The following NCALD variants were observed in gnomAD, a reference collection of about 807,000 sequenced individuals.
NCALD encodes the protein neurocalcin delta.
NCALD carries 10 observed loss-of-function variants against 18.6 expected under a neutral mutation model. The observed-to-expected ratio is 0.54, with a 90% CI of 0.33 to 0.91. NCALD has a LOEUF of 0.91. Ranked by LOEUF, NCALD falls within the 40% of genes least tolerant of loss-of-function variation. The probability of loss-of-function intolerance (pLI) is 0.03; values close to 1 mark genes in which losing one functional copy is unlikely to be tolerated. For missense variants in NCALD, 184 were observed against 247.6 expected (o/e 0.74, Z 1.72); for synonymous variants, 88 against 87.4 (o/e 1.01, Z -0.04).
intron 1 of NCALD, among the ~76,000 whole-genome samples, chr8:101,766,228 C>T (rs1329641836): frequency 6.6e-6 from 1 of 152,124 alleles, no homozygotes; most frequent in East Asian, 1.9e-4. Flanking sequence ...GAAGCCTGCC[C>T]ATCAGGAGAA....
At chr8:101,925,257 A>C (rs1818295278) in intron 2 of NCALD, among the ~76,000 whole-genome samples, 1 of 152,172 alleles carries the variant, frequency 6.6e-6, no homozygotes. Flanking sequence ...ACATGCAGAA[A>C]AATACAGACA....
chr8:101,804,623 AATT>A (rs1291638208), intron 4 of NCALD, among the ~76,000 whole-genome samples: 1 of 133,694 alleles, frequency 7.5e-6, no homozygotes, highest in Non-Finnish European at 1.6e-5. Flanking sequence ...TATAATATAT[AATT>A]AATATAATTA....
intron 1 of NCALD, among the ~76,000 whole-genome samples, chr8:101,735,493 C>T (rs1209155609): frequency 1.3e-5 from 2 of 152,122 alleles, no homozygotes; most frequent in South Asian, 2.1e-4. Context: ...GTCTGCAGGG[C>T]TTTTAAGGGC....
chr8:102,118,310 A>T (rs1377836596), intron 1 of NCALD, among the ~76,000 whole-genome samples: 5 of 152,108 alleles, frequency 3.3e-5, no homozygotes, highest in Non-Finnish European at 2.9e-5. Flanking sequence ...CTCTCACCTC[A>T]TGCTGTCAGG....
intron 2 of NCALD, among the ~76,000 whole-genome samples, chr8:101,972,826 GA>G (rs1162704064): frequency 6.6e-6 from 1 of 152,202 alleles, no homozygotes; most frequent in Non-Finnish European, 1.5e-5. Flanking sequence ...CACACTGAAA[GA>G]TTATGATCCC....
chr8:101,747,778 C>T (rs988908417), intron 1 of NCALD, among the ~76,000 whole-genome samples: 4 of 150,506 alleles, frequency 2.7e-5, no homozygotes, highest in African/African-American at 4.9e-5. Flanking sequence ...AGTGCAATGG[C>T]ACGATCTCAG....
intron 2 of NCALD, among the ~76,000 whole-genome samples, chr8:101,981,175 G>C (rs1820606678): frequency 6.6e-6 from 1 of 152,128 alleles, no homozygotes; most frequent in African/African-American, 2.4e-5. Context: ...TTTGCACATA[G>C]CAAATGGCCA....
intron 4 of NCALD, among the ~76,000 whole-genome samples, chr8:101,819,790 G>A (rs1005781383): frequency 1.3e-5 from 2 of 152,116 alleles, no homozygotes; most frequent in African/African-American, 2.4e-5. Context: ...CAGCAGCGGC[G>A]GTGGTACAGA....
At chr8:101,864,754 C>A (rs990436736) in intron 4 of NCALD, among the ~76,000 whole-genome samples, 3 of 152,026 alleles carry the variant, frequency 2.0e-5, no homozygotes, top group African/African-American at 7.2e-5. Context: ...AACACTACGC[C>A]CAGCTAGTTT....
At chr8:101,842,214 C>T (rs1409902780) in intron 4 of NCALD, among the ~76,000 whole-genome samples, 1 of 152,116 alleles carries the variant, frequency 6.6e-6, no homozygotes, top group Non-Finnish European at 1.5e-5. Flanking sequence ...ACCCTAATGA[C>T]CTCATTTTAA....
At chr8:101,819,496 C>T (rs1813632779) in intron 4 of NCALD, among the ~76,000 whole-genome samples, 1 of 151,994 alleles carries the variant, frequency 6.6e-6, no homozygotes, top group South Asian at 2.1e-4. Context: ...CCAGACATAG[C>T]TTTGCACATT....
intron 2 of NCALD, among the ~76,000 whole-genome samples, chr8:101,918,610 C>T (rs1818054123): frequency 6.6e-6 from 1 of 152,092 alleles, no homozygotes; most frequent in Admixed American, 6.6e-5. Context: ...TCCAAAGGCT[C>T]CTGCAACTGA....
intron 2 of NCALD, among the ~76,000 whole-genome samples, chr8:101,958,369 T>C (rs1819712454): frequency 6.6e-6 from 1 of 152,056 alleles, no homozygotes; most frequent in Non-Finnish European, 1.5e-5. Flanking sequence ...AGGAATTTAC[T>C]CGTACAGCAT....
At chr8:101,911,409 G>T (rs1267802415) in intron 3 of NCALD, among the ~76,000 whole-genome samples, 1 of 149,184 alleles carries the variant, frequency 6.7e-6, no homozygotes, top group African/African-American at 2.5e-5. Flanking sequence ...CCAGGTTGGA[G>T]TGCAATGGCG....
intron 2 of NCALD, among the ~76,000 whole-genome samples, chr8:101,704,475 G>A (rs1401865995): frequency 6.6e-6 from 1 of 152,186 alleles, no homozygotes; most frequent in Admixed American, 6.5e-5. Context: ...GATGTGAGAG[G>A]CCGCGGTGAC....
At chr8:101,690,833 G>A (rs1243992423) in intron 3 of NCALD, 3 of 985,318 alleles carry the variant, frequency 3.0e-6, no homozygotes, top group Non-Finnish European at 3.6e-6. Flanking sequence ...CATGAGGGAA[G>A]GGAGACAGGC....
At chr8:101,714,586 A>G (rs1045612256) in intron 2 of NCALD, among the ~76,000 whole-genome samples, 3 of 152,250 alleles carry the variant, frequency 2.0e-5, no homozygotes, top group African/African-American at 7.2e-5. Flanking sequence ...TTATAGATTC[A>G]ATGCTCTTCA....
At position 101,870,565 on chromosome 8, in the gene NCALD, C is replaced by G. The variant is rs541746314; in HGVS notation, c.-20+16576G>C. Reference sequence around the variant, plus strand: ...GGGTAGCAAAGTGGGCTGTGAAACACTTTAACTCAGTGGCCCACACCCATG... The same window carrying G: ...GGGTAGCAAAGTGGGCTGTGAAACAGTTTAACTCAGTGGCCCACACCCATG... On this transcript the variant is annotated intron_variant, in intron 4 of 6. Transcript: ENST00000311028. Among the ~76,000 whole-genome samples, 23 of 152,308 alleles carry G rather than the reference C, an allele frequency of 1.5e-4. No homozygotes were observed. The South Asian group carries it at 4.8e-3, about 32-fold the overall frequency.
In NCALD at chr8:101,906,215, C is replaced by T. The variant is rs181694615; in HGVS notation, c.-107+9594G>A. 6.6e-5 allele frequency among the ~76,000 whole-genome samples: 10 copies of T among 152,304 alleles called. No individual in the cohort carries two copies. In the East Asian group the frequency reaches 1.7e-3, roughly 26 times the overall value. On this transcript the variant is annotated intron_variant, in intron 3 of 6. Coordinates refer to the NCALD transcript ENST00000311028. ...TTACTTTTTGAACTCTAATCCCTTC[C>T]CCATTTCCCTCACTTCTTACAGATG...
Sources: allele counts gnomAD v4.1 joint callset (sites outside exome capture counted in the v4.1 genomes callset), GRCh38; gene constraint gnomAD v4.1.1; transcripts MANE v1.5; gene names NCBI Gene and HGNC (gene_info 2026-07-23, HGNC 2026-07-21).